Variants in SNX30 observed in about 807,000 individuals in gnomAD.
The protein encoded by SNX30 is sorting nexin family member 30, also known as sorting nexin-30.
A neutral mutation model predicts 46.4 loss-of-function variants in SNX30; 24 were observed. That is an observed-to-expected ratio of 0.52 (90% CI 0.37 to 0.73). SNX30 has a LOEUF of 0.73. Ranked by LOEUF, SNX30 falls within the 30% of genes least tolerant of loss-of-function variation. SNX30 has a pLI of 0.00. For missense variants in SNX30, 533 were observed against 555.7 expected (o/e 0.96, Z 0.41); for synonymous variants, 189 against 211.5 (o/e 0.89, Z 0.92).
At chr9:112,791,034 A>AT in intron 1 of SNX30, among the ~76,000 whole-genome samples, 1 of 152,298 alleles carries the variant, frequency 6.6e-6, no homozygotes, top group East Asian at 1.9e-4. Flanking sequence ...TGTCCACTAC[A>AT]TTTTTTATTG....
intron 8 of SNX30, among the ~76,000 whole-genome samples, chr9:112,865,951 C>T (rs1358865303): frequency 6.6e-6 from 1 of 151,930 alleles, no homozygotes. Flanking sequence ...CTGTTGCTCC[C>T]TTTGGTAATT....
At position 112,851,000 on chromosome 9, in the gene SNX30, A is replaced by G. The variant is rs1458528005; in HGVS notation, c.1101+55A>G. ...AAGCTGTAGTCTCCCTGCTGGTGCT[A>G]AGTAAATTCTCATCTCTAGATCTGT... On this transcript the variant is annotated intron_variant, in intron 7 of 8. Transcript: ENST00000374232. 3.6e-6 allele frequency: 5 copies of G among 1,383,502 alleles called. No homozygotes were observed. The Admixed American group carries it at 5.2e-5, about 14-fold the overall frequency. The allele number at this position is 1,383,502 out of a possible 1,614,324, so 85.7% of individuals were successfully genotyped here.
intron 3 of SNX30, among the ~76,000 whole-genome samples, chr9:112,820,494 C>A (rs1298838057): frequency 6.6e-6 from 1 of 152,144 alleles, no homozygotes; most frequent in Non-Finnish European, 1.5e-5. Context: ...GGAGACCCAG[C>A]AAACATGCAG....
intron 6 of SNX30, 68 bp from the exon 7 acceptor site, chr9:112,850,791 A>G: frequency 1.6e-6 from 2 of 1,220,804 alleles, no homozygotes; most frequent in South Asian, 2.6e-5. Flanking sequence ...AAAAGAAGCA[A>G]TTGCCTGGGG....
At chr9:112,850,316 T>C (rs530287617) in intron 6 of SNX30, among the ~76,000 whole-genome samples, 1 of 152,204 alleles carries the variant, frequency 6.6e-6, no homozygotes, top group Non-Finnish European at 1.5e-5. Context: ...ACCTCTCAGG[T>C]AGGGAGTGCA....
At chr9:112,838,963 A>G (rs1412269022) in intron 6 of SNX30, among the ~76,000 whole-genome samples, 2 of 152,230 alleles carry the variant, frequency 1.3e-5, no homozygotes, top group African/African-American at 4.8e-5. Context: ...TGAAATAAGA[A>G]CAAAGATGCC....
At chr9:112,808,119 G>T (rs556048528) in intron 2 of SNX30, among the ~76,000 whole-genome samples, 4 of 152,176 alleles carry the variant, frequency 2.6e-5, no homozygotes, top group Admixed American at 6.5e-5. Flanking sequence ...GACGGATATC[G>T]TAGGGGTGTG....
intron 3 of SNX30, among the ~76,000 whole-genome samples, chr9:112,830,149 G>A (rs1009916707): frequency 6.6e-6 from 1 of 152,078 alleles, no homozygotes; most frequent in African/African-American, 2.4e-5. Flanking sequence ...ATAGAGAAAT[G>A]TATTTGAATA....
At chr9:112,760,768 A>G (rs78795905) in intron 1 of SNX30, among the ~76,000 whole-genome samples, 50 of 152,326 alleles carry the variant, frequency 3.3e-4, no homozygotes, top group African/African-American at 1.2e-3. Flanking sequence ...ACCTTAAAAT[A>G]TGACTTGAAA....
At chr9:112,789,912 G>A (rs1229935582) in intron 1 of SNX30, among the ~76,000 whole-genome samples, 1 of 152,204 alleles carries the variant, frequency 6.6e-6, no homozygotes, top group Non-Finnish European at 1.5e-5. Context: ...TTTGAAACAG[G>A]TGATCTCTTA....
intron 5 of SNX30, among the ~76,000 whole-genome samples, chr9:112,838,222 G>A (rs1179041314): frequency 3.9e-5 from 6 of 152,178 alleles, no homozygotes; most frequent in Admixed American, 3.3e-4. Flanking sequence ...TTTGGTGGAT[G>A]TGGCTGCTAC....
chr9:112,818,615 C>T (rs925274262), intron 3 of SNX30, among the ~76,000 whole-genome samples: 2 of 152,094 alleles, frequency 1.3e-5, no homozygotes, highest in Non-Finnish European at 2.9e-5. Context: ...TTCTTTGGGC[C>T]TTGGGGGCTT....
intron 1 of SNX30, among the ~76,000 whole-genome samples, chr9:112,768,331 G>A (rs752768851): frequency 3.9e-5 from 6 of 152,178 alleles, no homozygotes; most frequent in African/African-American, 1.4e-4. Context: ...GCTACTTAAT[G>A]TGTGGCTCAT....
rs144673731 is a variant in SNX30 at position 112,832,430 on chromosome 9, A to AAGAGAGAGAGAG, written c.618+1566_618+1577dup. Among the ~76,000 whole-genome samples, 33 of 79,718 alleles carry AAGAGAGAGAGAG rather than the reference A, an allele frequency of 4.1e-4. 1 individual carries two copies. The highest frequency in any genetic ancestry group is 1.8e-3 in the Admixed American group (13 of 7,046). 52.3% of individuals were successfully genotyped at this position (79,718 alleles called of 152,430 possible). The stretch of plus-strand genomic sequence containing the variant: ...GAATCTGTATGAAGAATAAGTAGGA[A>AAGAGAGAGAGAG]AGAGAGAGAGAGAGAGAGAGAGAGA... On this transcript the variant is annotated intron_variant, in intron 4 of 8. Coordinates refer to ENST00000374232, the MANE Select transcript of SNX30 (RefSeq NM_001012994.2).
rs1841287415 is a variant in SNX30, at chr9:112,864,470, C to T, written c.1254+71C>T. 2.5e-6 allele frequency: 4 copies of T among 1,583,390 alleles called. No homozygotes were observed. In the East Asian group the frequency reaches 6.7e-5, roughly 27 times the overall value. On this transcript the variant is annotated intron_variant, in intron 8 of 8. Transcript: ENST00000374232. Reference sequence around the variant, plus strand: ...TTCACATGGGCCTACCAGAAATCCACAAGCTGGGAATCCTGCTAGTCTCAT... The same window carrying T: ...TTCACATGGGCCTACCAGAAATCCATAAGCTGGGAATCCTGCTAGTCTCAT...
At chr9:112,848,363 C>T (rs903319163) in intron 6 of SNX30, among the ~76,000 whole-genome samples, 1 of 152,140 alleles carries the variant, frequency 6.6e-6, no homozygotes, top group Non-Finnish European at 1.5e-5. Context: ...ACATCACCAA[C>T]AGCATGCAAA....
At chr9:112,851,831 T>C (rs1405792719) in intron 7 of SNX30, among the ~76,000 whole-genome samples, 1 of 151,786 alleles carries the variant, frequency 6.6e-6, no homozygotes, top group Non-Finnish European at 1.5e-5. Flanking sequence ...GGAAGTGAGG[T>C]TTTCTTGCTG....
intron 3 of SNX30, among the ~76,000 whole-genome samples, chr9:112,821,871 A>C (rs939019571): frequency 7.9e-5 from 12 of 152,034 alleles, no homozygotes; most frequent in African/African-American, 2.9e-4. Flanking sequence ...AGCTCACTGC[A>C]GCCTCGACCT....
intron 2 of SNX30, among the ~76,000 whole-genome samples, chr9:112,811,569 AT>A (rs1269120788): frequency 6.6e-6 from 1 of 152,062 alleles, no homozygotes; most frequent in Non-Finnish European, 1.5e-5. Context: ...GGAAAAAAAA[AT>A]TTCCAGGGAT....
Sources: gnomAD v4.1 joint callset for allele counts (sites outside exome capture counted in the v4.1 genomes callset) on GRCh38, gnomAD v4.1.1 for gene constraint, MANE v1.5 for transcripts, NCBI Gene and HGNC (gene_info 2026-07-23, HGNC 2026-07-21) for gene names.